The following ADGRB3 variants were observed in gnomAD, a reference collection of about 807,000 sequenced individuals.
The protein encoded by ADGRB3 is brain-specific angiogenesis inhibitor 3.
A neutral mutation model predicts 193.4 loss-of-function variants in ADGRB3; 37 were observed. The ratio of observed to expected loss-of-function variants is 0.19; its 90% CI spans 0.15 to 0.25. The LOEUF (loss-of-function observed/expected upper bound fraction) is 0.25, where lower values mean the gene tolerates loss of function less well. Among genes scored for constraint, ADGRB3 ranks in the 10% least tolerant of loss-of-function variants. The pLI, the probability that ADGRB3 is intolerant of heterozygous loss-of-function variation, is 1.00. For missense variants in ADGRB3, 1,637 were observed against 1,852.9 expected (o/e 0.88, Z 2.14); for synonymous variants, 690 against 644.2 (o/e 1.07, Z -1.08).
chr6:68,695,338 A>G (rs781135942), intron 3 of ADGRB3, among the ~76,000 whole-genome samples: 2 of 152,088 alleles, frequency 1.3e-5, no homozygotes, highest in Non-Finnish European at 2.9e-5. Context: ...TGAAATTACC[A>G]TAACTCAAAT....
intron 3 of ADGRB3, among the ~76,000 whole-genome samples, chr6:68,893,221 T>C (rs1175334081): frequency 6.6e-6 from 1 of 152,102 alleles, no homozygotes; most frequent in East Asian, 1.9e-4. Flanking sequence ...TAAAGACTAT[T>C]ACCCAGAAAA....
At chr6:69,233,717 A>G (rs1370723123) in intron 18 of ADGRB3, among the ~76,000 whole-genome samples, 1 of 152,166 alleles carries the variant, frequency 6.6e-6, no homozygotes, top group Non-Finnish European at 1.5e-5. Context: ...TGTCAACTTA[A>G]CCTTTATTTT....
At position 69,361,197 on chromosome 6, in the gene ADGRB3, T is replaced by C. The variant is rs769548818; in HGVS notation, c.3924T>C (p.Tyr1308=). The C allele has an allele frequency of 1.2e-5, 19 of 1,612,580 alleles. No homozygotes were observed. In the South Asian group the frequency reaches 1.5e-4, roughly 13 times the overall value. The change falls in exon 29 of 32, where the codon TAT becomes TAC. Residue 1308 remains tyrosine, a synonymous_variant. Transcript: ENST00000370598. ...AAGAAAGAATGATGGAAAGTGACTA[T>C]ATTGTGATGCCCAGAAGTTCTGTAA... is the stretch of plus-strand genomic sequence containing the variant. The part of the protein sequence containing the change: ...HPQERMMESD[Y]IVMPRSSVNN...
At position 69,369,111 on chromosome 6, in the gene ADGRB3, A is replaced by T. The variant is rs372119591; in HGVS notation, c.4240-3295A>T. ...ACATGTAGCATTTTTAAAAGTTATC[A>T]GATTATCAGAAAAATTGTTATGGCT... On this transcript the variant is annotated intron_variant, in intron 29 of 31. Transcript: ENST00000370598. Among the ~76,000 whole-genome samples, 21 of 152,270 alleles carry T rather than the reference A, an allele frequency of 1.4e-4. No homozygotes were observed. The East Asian group carries it at 3.3e-3, about 24-fold the overall frequency.
intron 3 of ADGRB3, among the ~76,000 whole-genome samples, chr6:68,782,403 T>A (rs1229447087): frequency 6.6e-6 from 1 of 152,038 alleles, no homozygotes; most frequent in Non-Finnish European, 1.5e-5. Flanking sequence ...TCCAAGTCTT[T>A]GCTATTGTGA....
In ADGRB3 at chr6:68,789,941, G is replaced by A. The variant is rs139795655; in HGVS notation, c.758-140618G>A. Among the ~76,000 whole-genome samples, 1,392 of 152,154 alleles carry A rather than the reference G, an allele frequency of 9.1e-3. 11 individuals are homozygous for A. The highest frequency in any genetic ancestry group is 0.048 in the Middle Eastern group (14 of 294). ...CTGATACCCTTTCTTCCAGTTGATC[G>A]CATCGGCTATTGAGGCTTCTGCATT... is the stretch of plus-strand genomic sequence containing the variant. On this transcript the variant is annotated intron_variant, in intron 3 of 31. Transcript: ENST00000370598.
chr6:69,364,252 G>T (rs1769520569), intron 29 of ADGRB3, among the ~76,000 whole-genome samples: 2 of 152,094 alleles, frequency 1.3e-5, no homozygotes, highest in East Asian at 1.9e-4. Flanking sequence ...GGTAAACACT[G>T]CCAGTTGTAG....
intron 3 of ADGRB3, among the ~76,000 whole-genome samples, chr6:68,889,782 G>A (rs758015811): frequency 3.3e-5 from 5 of 152,126 alleles, no homozygotes; most frequent in East Asian, 1.9e-4. Flanking sequence ...GATTACAGGC[G>A]TGAGCCACCA....
Position 68,951,042 on chromosome 6 carries a change from A to G in ADGRB3, c.1196-4982A>G, listed in dbSNP as rs543651339. Among the ~76,000 whole-genome samples the G allele has an allele frequency of 2.0e-5, 3 of 152,186 alleles. No homozygotes were observed. In the East Asian group the frequency reaches 5.8e-4, roughly 29 times the overall value. On this transcript the variant is annotated intron_variant, in intron 6 of 31. Transcript: ENST00000370598. ...CCACCTCTCCTTTTCCAGGATCCCC[A>G]CAAGCCCCAGTCTTCTCTCTGTTCC...
chr6:68,931,033 G>A (rs2150246356), intron 4 of ADGRB3, among the ~76,000 whole-genome samples: 1 of 151,942 alleles, frequency 6.6e-6, no homozygotes, highest in African/African-American at 2.4e-5. Context: ...TCTAGACAAT[G>A]AAATTTATTT....
chr6:69,043,293 A>AG (rs1554252050), intron 13 of ADGRB3, among the ~76,000 whole-genome samples: 1 of 17,544 alleles, frequency 5.7e-5, no homozygotes, highest in Non-Finnish European at 1.4e-4. Flanking sequence ...AGAAAGAGAG[A>AG]AAGAAAGAAA....
At chr6:68,734,045 T>G (rs943649899) in intron 3 of ADGRB3, among the ~76,000 whole-genome samples, 1 of 151,894 alleles carries the variant, frequency 6.6e-6, no homozygotes, top group Non-Finnish European at 1.5e-5. Flanking sequence ...GAACAAAGAA[T>G]GTTAATTTTA....
chr6:68,735,909 A>G (rs1765861953), intron 3 of ADGRB3, among the ~76,000 whole-genome samples: 1 of 152,202 alleles, frequency 6.6e-6, no homozygotes, highest in Non-Finnish European at 1.5e-5. Context: ...ACTGAGTGCT[A>G]CAAAATATTT....
intron 8 of ADGRB3, among the ~76,000 whole-genome samples, chr6:68,971,462 A>G (rs1328100222): frequency 2.0e-5 from 3 of 152,168 alleles, no homozygotes; most frequent in Non-Finnish European, 4.4e-5. Flanking sequence ...CGTATTTTCA[A>G]TAAGTGTTTA....
intron 15 of ADGRB3, among the ~76,000 whole-genome samples, chr6:69,061,320 A>G (rs1771743475): frequency 6.6e-6 from 1 of 151,956 alleles, no homozygotes; most frequent in Non-Finnish European, 1.5e-5. Context: ...CAACCACGGA[A>G]TAACTCCGCA....
chr6:68,812,775 T>G (rs377607121), intron 3 of ADGRB3, among the ~76,000 whole-genome samples: 2,078 of 152,050 alleles, frequency 0.014, 41 homozygotes, highest in African/African-American at 0.045. Context: ...GCTGCACCCA[T>G]CAACCCGTCA....
chr6:68,910,780 C>T (rs560270834), intron 3 of ADGRB3, among the ~76,000 whole-genome samples: 3 of 152,186 alleles, frequency 2.0e-5, no homozygotes, highest in African/African-American at 7.2e-5. Flanking sequence ...TGTTTTGGTA[C>T]CAGTACCATG....
intron 15 of ADGRB3, among the ~76,000 whole-genome samples, chr6:69,059,535 A>G (rs1430171346): frequency 1.3e-5 from 2 of 152,176 alleles, no homozygotes; most frequent in Non-Finnish European, 2.9e-5. Flanking sequence ...ATCAACGAGC[A>G]TAAATCTCAA....
intron 17 of ADGRB3, among the ~76,000 whole-genome samples, chr6:69,170,119 C>T (rs1404891063): frequency 6.6e-6 from 1 of 152,140 alleles, no homozygotes; most frequent in Non-Finnish European, 1.5e-5. Context: ...CCCCTGAATG[C>T]TAAAATGTCA....
Sources: allele counts gnomAD v4.1 joint callset (sites outside exome capture counted in the v4.1 genomes callset), GRCh38; gene constraint gnomAD v4.1.1; transcripts MANE v1.5; gene names NCBI Gene and HGNC (gene_info 2026-07-23, HGNC 2026-07-21).